Variants in ADCK1 observed in about 807,000 individuals in gnomAD.
The protein encoded by ADCK1 is aarF domain containing kinase 1, also known as aarF domain-containing protein kinase 1.
A neutral mutation model predicts 52.3 loss-of-function variants in ADCK1; 41 were observed. The observed-to-expected ratio is 0.78, with a 90% CI of 0.61 to 1.02. The LOEUF (loss-of-function observed/expected upper bound fraction) is 1.02, where lower values mean the gene tolerates loss of function less well. Ranked by LOEUF, ADCK1 falls within the 50% of genes least tolerant of loss-of-function variation. The pLI is 0.00. For synonymous variants in ADCK1, 250 were observed against 274.6 expected (o/e 0.91, Z 0.89); for missense variants, 658 against 679.5 (o/e 0.97, Z 0.35).
Position 77,925,707 on chromosome 14 carries a change from T to C in ADCK1, c.1009-57T>C, listed in dbSNP as rs2084173337. On this transcript the variant is annotated intron_variant, in intron 8 of 10. Coordinates refer to ENST00000238561, the MANE Select transcript of ADCK1 (RefSeq NM_020421.4). ...GCAATGGTTGGCATCAGCCAGGGAC[T>C]TGGGCCTTTGGTGGGGAGACGAGGC... is the stretch of plus-strand genomic sequence containing the variant. 10 of 1,571,120 alleles carry C rather than the reference T, an allele frequency of 6.4e-6. No homozygotes were observed. In the South Asian group the frequency reaches 1.0e-4, roughly 16 times the overall value.
At chr14:77,810,551 G>A (rs1472946242) in intron 1 of ADCK1, among the ~76,000 whole-genome samples, 3 of 138,856 alleles carry the variant, frequency 2.2e-5, no homozygotes, top group Admixed American at 1.4e-4. Flanking sequence ...TTTTTTTTGA[G>A]ACGGAGTCTC....
intron 5 of ADCK1, among the ~76,000 whole-genome samples, chr14:77,894,161 C>T (rs2140226006): frequency 6.6e-6 from 1 of 152,272 alleles, no homozygotes; most frequent in South Asian, 2.1e-4. Flanking sequence ...AGATGTGGGC[C>T]ACCCAAGGAA....
In ADCK1 at chr14:77,923,106, T is replaced by C. The variant is rs1234607897; in HGVS notation, c.859-1351T>C. 1 of 152,240 alleles carries C rather than the reference T, an allele frequency of 6.6e-6. No individual in the cohort carries two copies. The highest frequency in any genetic ancestry group is 1.5e-5 in the Non-Finnish European group (1 of 68,042). The allele number at this position is 152,240 out of a possible 1,614,324, so 9.4% of individuals were successfully genotyped here. A position where few individuals can be genotyped will look rare whatever the true frequency, so the allele number is the denominator to read the frequency against. On this transcript the variant is annotated intron_variant, in intron 7 of 10. Coordinates refer to ENST00000238561, the MANE Select transcript of ADCK1 (RefSeq NM_020421.4). This position sits in a 1 kb window ranked among gnomAD's most constrained non-coding sequence, Gnocchi z 4.3. ...GAGTCCCTCCTATCTTGGGAGTTTATGATAGTGGGATAGATGGTCATTAAT... is the reference window on the plus strand; with the variant it reads ...GAGTCCCTCCTATCTTGGGAGTTTACGATAGTGGGATAGATGGTCATTAAT...
chr14:77,843,092 A>C (rs1281838313), intron 3 of ADCK1, among the ~76,000 whole-genome samples: 1 of 151,888 alleles, frequency 6.6e-6, no homozygotes, highest in Non-Finnish European at 1.5e-5. Context: ...GGGTCTTACT[A>C]AGTTGCCCAG....
At chr14:77,859,423 CAA>C in intron 4 of ADCK1, 144 bp downstream of exon 4, 2 of 807,904 alleles carry the variant, frequency 2.5e-6, no homozygotes, top group South Asian at 3.8e-5. Context: ...GTGCTGAAAT[CAA>C]AGAGGTTAGA....
chr14:77,906,074 C>T (rs80174023), intron 6 of ADCK1, among the ~76,000 whole-genome samples: 3,282 of 152,220 alleles, frequency 0.022, 50 homozygotes, highest in Middle Eastern at 0.054. Context: ...GAGGTCCTTA[C>T]TGAGATAGGG....
intron 4 of ADCK1, among the ~76,000 whole-genome samples, chr14:77,879,438 G>A (rs1406785028): frequency 6.6e-6 from 1 of 152,208 alleles, no homozygotes; most frequent in Non-Finnish European, 1.5e-5. Flanking sequence ...GGAAGAATGA[G>A]TGGGGGAAGG....
intron 5 of ADCK1, among the ~76,000 whole-genome samples, chr14:77,893,746 T>TTA (rs2083333941): frequency 1.3e-5 from 2 of 151,162 alleles, no homozygotes; most frequent in African/African-American, 2.4e-5. Context: ...CCTTTTTTTT[T>TTA]TTTTTTTGAC....
At chr14:77,803,917 A>G (rs1197174897) in intron 1 of ADCK1, among the ~76,000 whole-genome samples, 5 of 152,208 alleles carry the variant, frequency 3.3e-5, no homozygotes, top group Non-Finnish European at 7.3e-5. Flanking sequence ...GCCCTGCTCA[A>G]GCTCTTAGCC....
intron 6 of ADCK1, among the ~76,000 whole-genome samples, chr14:77,903,642 C>T (rs532201395): frequency 5.9e-5 from 9 of 152,076 alleles, no homozygotes; most frequent in African/African-American, 1.9e-4. Context: ...AGGGGAGAAG[C>T]TTTATAACCA....
At chr14:77,897,828 C>T in intron 5 of ADCK1, among the ~76,000 whole-genome samples, 1 of 152,306 alleles carries the variant, frequency 6.6e-6, no homozygotes, top group Non-Finnish European at 1.5e-5. Flanking sequence ...TGTGAACAGA[C>T]CAGAACAGAT....
chr14:77,809,601 T>G (rs528074702), intron 1 of ADCK1, among the ~76,000 whole-genome samples: 1 of 152,202 alleles, frequency 6.6e-6, no homozygotes, highest in East Asian at 1.9e-4. Flanking sequence ...GTGCTGGGAT[T>G]ACAGGCGTGA....
chr14:77,907,826 G>C lies in ADCK1; in HGVS notation c.765G>C (p.Leu255=), dbSNP rs1333602953. 4.3e-6 allele frequency: 7 copies of C among 1,613,936 alleles called. No homozygotes were observed. Among genetic ancestry groups the C allele is most frequent in the Non-Finnish European group, 5.9e-6 (7 of 1,179,948 alleles). ...AGGTCCCCCGAATCCACTGGGACCT[G>C]TCCACGGAGCGGGTCCTCCTGATGG... is the stretch of plus-strand genomic sequence containing the variant. ...FLKVPRIHWD[L]STERVLLMEF... The change falls in exon 7 of 11, where the codon CTG becomes CTC. Residue 255 remains leucine, a synonymous_variant. Transcript: ENST00000238561.
intron 5 of ADCK1, among the ~76,000 whole-genome samples, chr14:77,889,835 A>C (rs1419796315): frequency 2.0e-5 from 3 of 149,194 alleles, no homozygotes; most frequent in Non-Finnish European, 3.0e-5. Context: ...GATACTTTTG[A>C]TAGATGAATG....
chr14:77,930,821 G>C (rs948121718), intron 9 of ADCK1, among the ~76,000 whole-genome samples: 1 of 152,102 alleles, frequency 6.6e-6, no homozygotes, highest in African/African-American at 2.4e-5. Flanking sequence ...ACTGAAAAGG[G>C]GTCAGAACCA....
At chr14:77,821,992 T>C (rs989881735) in intron 2 of ADCK1, among the ~76,000 whole-genome samples, 2 of 152,066 alleles carry the variant, frequency 1.3e-5, no homozygotes, top group African/African-American at 4.8e-5. Context: ...ATGTAACAAC[T>C]TTATTCAAGT....
At chr14:77,905,304 G>GTTTTTTTTTTTGTTTTTTTTTT (rs2083637118) in intron 6 of ADCK1, among the ~76,000 whole-genome samples, 1 of 96,278 alleles carries the variant, frequency 1.0e-5, no homozygotes, top group Non-Finnish European at 2.0e-5. Context: ...TTCCTAGCTG[G>GTTTTTTTTTTTGTTTTTTTTTT]TTTTTTTTTT....
intron 4 of ADCK1, among the ~76,000 whole-genome samples, chr14:77,879,537 C>T (rs1346097831): frequency 6.6e-6 from 1 of 152,146 alleles, no homozygotes; most frequent in Non-Finnish European, 1.5e-5. Flanking sequence ...TCATATGTTT[C>T]TAGCAGAGGG....
intron 6 of ADCK1, among the ~76,000 whole-genome samples, chr14:77,905,320 T>TTTTTTTTTTTTTTTTTTTTTTTTTC (rs2083639724): frequency 6.9e-6 from 1 of 145,952 alleles, no homozygotes; most frequent in Non-Finnish European, 1.5e-5. Flanking sequence ...TTTTTTTTTT[T>TTTTTTTTTTTTTTTTTTTTTTTTTC]TTTTGAGATG....
Sources: allele counts gnomAD v4.1 joint callset (sites outside exome capture counted in the v4.1 genomes callset), GRCh38; gene constraint gnomAD v4.1.1; non-coding constraint Gnocchi (gnomAD v3.1); transcripts MANE v1.5; gene names NCBI Gene and HGNC (gene_info 2026-07-23, HGNC 2026-07-21).